The following ERC2 variants were observed in gnomAD, a reference collection of about 807,000 sequenced individuals.
The protein encoded by ERC2 is ERC protein 2.
ERC2 carries 42 observed loss-of-function variants against 114.8 expected under a neutral mutation model. That is an observed-to-expected ratio of 0.37 (90% confidence interval 0.29 to 0.47). ERC2 has a LOEUF of 0.47. ERC2 is among the 20% of genes least tolerant of loss of function. ERC2 has a pLI of 0.99. For synonymous variants in ERC2, 454 were observed against 425.5 expected (o/e 1.07, Z -0.82); for missense variants, 939 against 1,150.7 (o/e 0.82, Z 2.66).
intron 17 of ERC2, among the ~76,000 whole-genome samples, chr3:55,544,107 T>C (rs567476330): frequency 6.6e-6 from 1 of 152,188 alleles, no homozygotes; most frequent in African/African-American, 2.4e-5. Context: ...CCGATGGGGA[T>C]GAGAGTGATG....
intron 17 of ERC2, among the ~76,000 whole-genome samples, chr3:55,620,947 G>C (rs541406395): frequency 9.4e-4 from 143 of 152,202 alleles, no homozygotes; most frequent in African/African-American, 3.3e-3. Context: ...TTACTAGCTC[G>C]GAACAACTAC....
chr3:55,638,329 A>G (rs141711290), intron 17 of ERC2, among the ~76,000 whole-genome samples: 229 of 152,270 alleles, frequency 1.5e-3, no homozygotes, highest in African/African-American at 5.3e-3. Context: ...CCATTTTTAC[A>G]TGGCTTCTCA....
intron 14 of ERC2, among the ~76,000 whole-genome samples, chr3:55,842,558 T>A (rs1043468548): frequency 6.6e-6 from 1 of 152,186 alleles, no homozygotes; most frequent in African/African-American, 2.4e-5. Flanking sequence ...TATTTCCCTG[T>A]CTAACACATA....
intron 3 of ERC2, among the ~76,000 whole-genome samples, chr3:56,266,351 C>T (rs1279714384): frequency 6.6e-6 from 1 of 151,830 alleles, no homozygotes. Context: ...AGGATGGTCT[C>T]GATCTCCTGA....
chr3:55,918,740 A>T (rs1018692175), intron 13 of ERC2, among the ~76,000 whole-genome samples: 1 of 151,428 alleles, frequency 6.6e-6, no homozygotes, highest in African/African-American at 2.4e-5. Context: ...CCCTAGCTAC[A>T]GGCAGCACCA....
chr3:55,761,117 A>G (rs779718585), intron 14 of ERC2, among the ~76,000 whole-genome samples: 109 of 152,298 alleles, frequency 7.2e-4, no homozygotes, highest in Admixed American at 2.2e-3. Flanking sequence ...CTGATAATAC[A>G]AACGAAAGGA....
chr3:55,973,749 G>A (rs1161042832), intron 12 of ERC2, among the ~76,000 whole-genome samples: 1 of 152,152 alleles, frequency 6.6e-6, no homozygotes, highest in Non-Finnish European at 1.5e-5. Context: ...TAACAAATGA[G>A]AGTGCAGTTT....
At chr3:55,558,312 G>T (rs1051772001) in intron 17 of ERC2, among the ~76,000 whole-genome samples, 2 of 152,168 alleles carry the variant, frequency 1.3e-5, no homozygotes, top group Non-Finnish European at 2.9e-5. Flanking sequence ...AAATATTTCA[G>T]AAATGCAGGT....
In ERC2 at chr3:55,799,891, A is replaced by C. The variant is rs533104891; in HGVS notation, c.2565-64973T>G. Among the ~76,000 whole-genome samples the C allele has an allele frequency of 1.1e-4, 17 of 152,254 alleles. No individual in the cohort carries two copies. The South Asian group carries it at 3.5e-3, about 32-fold the overall frequency. On this transcript the variant is annotated intron_variant, in intron 14 of 17. Transcript: ENST00000288221. ...CAGAGTAGGGGTCACCATTACTGCT[A>C]TATAATAGGGATAAGGAAGGCAATA...
intron 2 of ERC2, among the ~76,000 whole-genome samples, chr3:56,339,219 C>G (rs1206149885): frequency 6.6e-6 from 1 of 152,198 alleles, no homozygotes; most frequent in East Asian, 1.9e-4. Flanking sequence ...GATCATCACA[C>G]AGCATATGGG....
At chr3:55,565,829 G>T (rs1575599846) in intron 17 of ERC2, among the ~76,000 whole-genome samples, 1 of 152,186 alleles carries the variant, frequency 6.6e-6, no homozygotes, top group Non-Finnish European at 1.5e-5. Context: ...ACTGCAGGCT[G>T]CCCTGAGATG....
At chr3:55,734,957 T>TAAA in intron 14 of ERC2, 39 bp from the exon 15 acceptor site, 5 of 1,168,176 alleles carry the variant, frequency 4.3e-6, no homozygotes, top group Admixed American at 3.3e-5. Flanking sequence ...TTTTGTAAAA[T>TAAA]AAAAAAAAAA....
At chr3:56,272,699 GCT>G (rs2053734367) in intron 3 of ERC2, among the ~76,000 whole-genome samples, 2 of 152,208 alleles carry the variant, frequency 1.3e-5, no homozygotes, top group African/African-American at 4.8e-5. Flanking sequence ...GAACCCAGGA[GCT>G]GGAGGTTGCA....
chr3:55,824,311 G>A (rs2060243496), intron 14 of ERC2, among the ~76,000 whole-genome samples: 1 of 152,142 alleles, frequency 6.6e-6, no homozygotes, highest in Non-Finnish European at 1.5e-5. Context: ...AAGTGGAACT[G>A]GAAGCTGTGA....
rs527982723 is a variant in ERC2, at chr3:55,522,471, C to T, written c.*40-11195G>A. Among the ~76,000 whole-genome samples, 3 of 145,532 alleles carry T rather than the reference C, an allele frequency of 2.1e-5. 1 individual carries two copies. The highest frequency in any genetic ancestry group is 7.9e-5 in the African/African-American group (3 of 38,190). ...ATGAAAACTACAGGAATCCTTCCTT[C>T]CTTTCTCCTTTCCTTCCCACCCTCC... On this transcript the variant is annotated intron_variant, in intron 17 of 17. Transcript: ENST00000288221.
intron 6 of ERC2, among the ~76,000 whole-genome samples, chr3:56,109,255 T>C (rs2078833900): frequency 6.6e-6 from 1 of 152,184 alleles, no homozygotes; most frequent in Non-Finnish European, 1.5e-5. Context: ...ATTTAACTTG[T>C]AAGTGAGAAC....
At chr3:56,195,336 G>A (rs2048030262) in intron 3 of ERC2, among the ~76,000 whole-genome samples, 1 of 152,074 alleles carries the variant, frequency 6.6e-6, no homozygotes, top group Admixed American at 6.6e-5. Context: ...AGAATGGCAT[G>A]CAATTTAAAA....
intron 13 of ERC2, among the ~76,000 whole-genome samples, chr3:55,942,598 G>GTC (rs1400026535): frequency 2.0e-5 from 3 of 151,112 alleles, no homozygotes; most frequent in African/African-American, 4.9e-5. Flanking sequence ...CGCCCGGCCC[G>GTC]TCTAAGGTCC....
chr3:55,930,612 A>C (rs890997415), intron 13 of ERC2, among the ~76,000 whole-genome samples: 1 of 152,208 alleles, frequency 6.6e-6, no homozygotes, highest in African/African-American at 2.4e-5. Context: ...CTCAAGATGG[A>C]TTAAAGAGTT....
Sources: gnomAD v4.1 joint callset for allele counts (sites outside exome capture counted in the v4.1 genomes callset) on GRCh38, gnomAD v4.1.1 for gene constraint, MANE v1.5 for transcripts, NCBI Gene and HGNC (gene_info 2026-07-23, HGNC 2026-07-21) for gene names.